KLF7: variants seen among roughly 807,000 people sequenced by gnomAD.
KLF7 encodes the protein Krueppel-like factor 7.
In KLF7, 2 loss-of-function variants were observed where a neutral mutation model predicts 27.3. That is an observed-to-expected ratio of 0.07 (90% CI 0.03 to 0.23). The LOEUF (loss-of-function observed/expected upper bound fraction) is 0.23. Ranked by LOEUF, KLF7 falls within the 10% of genes least tolerant of loss-of-function variation. The pLI, the probability that KLF7 is intolerant of heterozygous loss-of-function variation, is 1.00. For missense variants in KLF7, 221 were observed against 394.1 expected (o/e 0.56, Z 3.72); for synonymous variants, 165 against 162.4 (o/e 1.02, Z -0.12).
At chr2:207,089,505 C>T (rs2076462776) in intron 2 of KLF7, among the ~76,000 whole-genome samples, 1 of 152,034 alleles carries the variant, frequency 6.6e-6, no homozygotes. Flanking sequence ...ATTTACCCTT[C>T]CAACTGTATG....
At chr2:207,156,563 T>C (rs901803979) in intron 1 of KLF7, among the ~76,000 whole-genome samples, 7 of 152,172 alleles carry the variant, frequency 4.6e-5, no homozygotes, top group South Asian at 2.1e-4. Context: ...TGAGAATGAA[T>C]TGTTTGAAAC....
intron 1 of KLF7, among the ~76,000 whole-genome samples, chr2:207,163,363 G>T (rs1163465930): frequency 6.6e-6 from 1 of 152,168 alleles, no homozygotes; most frequent in African/African-American, 2.4e-5. Context: ...AAAATCCTTT[G>T]CCTGTAGAAA....
intron 2 of KLF7, among the ~76,000 whole-genome samples, chr2:207,101,319 A>G (rs1024496946): frequency 6.6e-6 from 1 of 152,236 alleles, no homozygotes; most frequent in African/African-American, 2.4e-5. Flanking sequence ...AGCACCATGC[A>G]TACATACAAA....
At chr2:207,130,788 C>G (rs2077610134) in intron 1 of KLF7, among the ~76,000 whole-genome samples, 1 of 152,188 alleles carries the variant, frequency 6.6e-6, no homozygotes, top group Non-Finnish European at 1.5e-5. Context: ...TACCCAATAA[C>G]TATGCCACTT....
In KLF7 at chr2:207,079,036, T is replaced by G. The variant is rs562019145; in HGVS notation, c.*2177A>C. 3 of 147,320 alleles carry G rather than the reference T, an allele frequency of 2.0e-5. No homozygotes were observed. The highest frequency in any genetic ancestry group is 6.7e-5 in the Admixed American group (1 of 14,962). 9.1% of individuals were successfully genotyped at this position (147,320 alleles called of 1,614,324 possible). A position where few individuals can be genotyped will look rare whatever the true frequency, so the allele number is the denominator to read the frequency against. ...TGCGCGTGTGTGTTAACGGGTGTTCTTTCTTTTTTTTTCGTTTTGTATTAT... is the reference window on the plus strand; with the variant it reads ...TGCGCGTGTGTGTTAACGGGTGTTCGTTCTTTTTTTTTCGTTTTGTATTAT... On this transcript the variant is annotated 3_prime_UTR_variant, in exon 4 of 4. Coordinates refer to ENST00000309446, the MANE Select transcript of KLF7 (RefSeq NM_003709.4).
At chr2:207,128,341 G>T (rs1341882168) in intron 1 of KLF7, among the ~76,000 whole-genome samples, 1 of 152,096 alleles carries the variant, frequency 6.6e-6, no homozygotes, top group East Asian at 1.9e-4. Flanking sequence ...AAGATGGAAG[G>T]AAAGGGTCAG....
Position 207,158,531 on chromosome 2 carries a change from T to C in KLF7, c.102+6936A>G, listed in dbSNP as rs115953835. ...TTGTTGCTTTCTACTTCCATCTAGT[T>C]CTATATTCCATCCAACCCCCTACCA... On this transcript the variant is annotated intron_variant, in intron 1 of 3. Transcript: ENST00000309446. Among the ~76,000 whole-genome samples, 493 of 152,288 alleles carry C rather than the reference T, an allele frequency of 3.2e-3. 2 individuals carry two copies. Among genetic ancestry groups the C allele is most frequent in the Non-Finnish European group, 5.6e-3 (384 of 68,014 alleles).
intron 3 of KLF7, among the ~76,000 whole-genome samples, chr2:207,085,749 G>A (rs941011939): frequency 1.3e-5 from 2 of 152,146 alleles, no homozygotes; most frequent in East Asian, 1.9e-4. Flanking sequence ...AACAGAAAGC[G>A]GGACAATACT....
intron 2 of KLF7, among the ~76,000 whole-genome samples, chr2:207,114,286 A>G (rs983480182): frequency 1.3e-5 from 2 of 152,230 alleles, no homozygotes; most frequent in Admixed American, 6.5e-5. Context: ...CAACAGGCTC[A>G]TGACCAATTG....
chr2:207,114,698 A>G (rs1256254139), intron 2 of KLF7, among the ~76,000 whole-genome samples: 1 of 152,208 alleles, frequency 6.6e-6, no homozygotes, highest in African/African-American at 2.4e-5. Context: ...ATTACAAAAC[A>G]TCCCTGCTAG....
chr2:207,131,160 C>G (rs545309647), intron 1 of KLF7, among the ~76,000 whole-genome samples: 15 of 152,314 alleles, frequency 9.8e-5, no homozygotes, highest in Admixed American at 5.9e-4. Flanking sequence ...AGATCTGGAT[C>G]TGAAGGATGA....
At chr2:207,154,553 G>A (rs2078329929) in intron 1 of KLF7, among the ~76,000 whole-genome samples, 2 of 152,142 alleles carry the variant, frequency 1.3e-5, no homozygotes, top group African/African-American at 4.8e-5. Context: ...CCAGCATTCC[G>A]CTTTCCCCTG....
chr2:207,151,919 C>T (rs1460833700), intron 1 of KLF7, among the ~76,000 whole-genome samples: 1 of 151,896 alleles, frequency 6.6e-6, no homozygotes, highest in Admixed American at 6.6e-5. Flanking sequence ...ATCTGGTCAA[C>T]CTAAATGATA....
chr2:207,146,182 G>A (rs944096192), intron 1 of KLF7, among the ~76,000 whole-genome samples: 1 of 152,096 alleles, frequency 6.6e-6, no homozygotes, highest in African/African-American at 2.4e-5. Flanking sequence ...ATGCAGCCAG[G>A]GTGTTTTTGA....
chr2:207,132,107 A>T (rs1308474662), intron 1 of KLF7, among the ~76,000 whole-genome samples: 1 of 152,192 alleles, frequency 6.6e-6, no homozygotes, highest in African/African-American at 2.4e-5. Context: ...AAAGAATTTC[A>T]TCTAGAAAAT....
intron 1 of KLF7, among the ~76,000 whole-genome samples, chr2:207,142,830 G>A (rs186312959): frequency 3.9e-4 from 60 of 152,282 alleles, no homozygotes; most frequent in African/African-American, 1.3e-3. Context: ...GCATGCCCTC[G>A]GGCCTAAAAA....
chr2:207,128,497 G>T (rs2077539294), intron 1 of KLF7, among the ~76,000 whole-genome samples: 1 of 152,128 alleles, frequency 6.6e-6, no homozygotes, highest in Non-Finnish European at 1.5e-5. Flanking sequence ...TCTATGATGA[G>T]AAACAAGGTA....
Position 207,079,035 on chromosome 2 carries a change from CTT to C in KLF7, c.*2176_*2177del, listed in dbSNP as rs1163655927. On this transcript the variant is annotated 3_prime_UTR_variant, in exon 4 of 4. Coordinates refer to ENST00000309446, the MANE Select transcript of KLF7 (RefSeq NM_003709.4). Reference sequence around the variant, plus strand: ...GTGCGCGTGTGTGTTAACGGGTGTTCTTTCTTTTTTTTTCGTTTTGTATTATT... The same window carrying C: ...GTGCGCGTGTGTGTTAACGGGTGTTCTCTTTTTTTTTCGTTTTGTATTATT... The C allele has an allele frequency of 1.4e-5, 2 of 144,182 alleles. No homozygotes were observed. The highest frequency in any genetic ancestry group is 1.4e-4 in the Admixed American group (2 of 14,728). The allele number at this position is 144,182 out of a possible 1,614,324, so 8.9% of individuals were successfully genotyped here.
At chr2:207,099,865 C>T (rs1255932896) in intron 2 of KLF7, among the ~76,000 whole-genome samples, 3 of 152,084 alleles carry the variant, frequency 2.0e-5, no homozygotes, top group East Asian at 3.9e-4. Flanking sequence ...TGTGGTGGCT[C>T]ACACCTGTAA....
Sources: gnomAD v4.1 joint callset for allele counts (sites outside exome capture counted in the v4.1 genomes callset) on GRCh38, gnomAD v4.1.1 for gene constraint, MANE v1.5 for transcripts, NCBI Gene and HGNC (gene_info 2026-07-23, HGNC 2026-07-21) for gene names.